ANO10: variants seen among roughly 807,000 people sequenced by gnomAD.
ANO10 encodes the protein anoctamin 10.
ANO10 carries 77 observed loss-of-function variants against 74.7 expected under a neutral mutation model. That is an observed-to-expected ratio of 1.03 (90% CI 0.86 to 1.25). ANO10 has a LOEUF of 1.25. ANO10 is among the 50% of genes most tolerant of loss of function. ANO10 has a pLI of 0.00. For missense variants in ANO10, 721 were observed against 778.1 expected, an observed-to-expected ratio of 0.93 and a Z score of 0.87; for synonymous variants, 279 against 284.9, an observed-to-expected ratio of 0.98 and a Z score of 0.21.
At chr3:43,542,992 T>C (rs2079021902) in intron 11 of ANO10, among the ~76,000 whole-genome samples, 1 of 152,208 alleles carries the variant, frequency 6.6e-6, no homozygotes, top group Non-Finnish European at 1.5e-5. Context: ...AGAACACTCA[T>C]GCAAGGGAGG....
intron 12 of ANO10, among the ~76,000 whole-genome samples, chr3:43,422,474 G>C (rs1413708468): frequency 6.6e-6 from 1 of 152,088 alleles, no homozygotes; most frequent in Non-Finnish European, 1.5e-5. Flanking sequence ...TTTATTATGA[G>C]GCAAGTTTTT....
intron 4 of ANO10, among the ~76,000 whole-genome samples, chr3:43,591,328 C>T (rs1423954000): frequency 6.6e-6 from 1 of 152,192 alleles, no homozygotes; most frequent in Non-Finnish European, 1.5e-5. Context: ...CGCCATTGTT[C>T]CTGTGCAGCT....
chr3:43,596,917 G>GA (rs905227119), intron 4 of ANO10, among the ~76,000 whole-genome samples: 6 of 152,074 alleles, frequency 3.9e-5, no homozygotes, highest in African/African-American at 7.2e-5. Context: ...AAATTTACAA[G>GA]AAAAAATCAA....
chr3:43,481,917 CT>C (rs202113435), intron 11 of ANO10, among the ~76,000 whole-genome samples: 42 of 136,008 alleles, frequency 3.1e-4, no homozygotes, highest in African/African-American at 1.0e-3. Flanking sequence ...TGTCTTTTTT[CT>C]TTTTTTTTCT....
intron 11 of ANO10, among the ~76,000 whole-genome samples, chr3:43,543,191 T>C (rs2079031760): frequency 6.6e-6 from 1 of 152,134 alleles, no homozygotes; most frequent in African/African-American, 2.4e-5. Flanking sequence ...GAAGAACACA[T>C]GTGTGACAAA....
At chr3:43,405,251 C>A (rs995434872) in intron 12 of ANO10, among the ~76,000 whole-genome samples, 1 of 152,046 alleles carries the variant, frequency 6.6e-6, no homozygotes. Flanking sequence ...CACCTGAGTC[C>A]CAAGCAATCC....
intron 1 of ANO10, among the ~76,000 whole-genome samples, chr3:43,668,256 C>G (rs140346050): frequency 6.1e-4 from 93 of 151,854 alleles, no homozygotes; most frequent in African/African-American, 2.2e-3. Context: ...CTATTCATGT[C>G]CTTAGCCCAC....
intron 1 of ANO10, among the ~76,000 whole-genome samples, chr3:43,651,621 C>A (rs1426130330): frequency 3.3e-5 from 5 of 152,114 alleles, no homozygotes; most frequent in African/African-American, 1.2e-4. Context: ...GAATTTTTCT[C>A]TTATTTAGCC....
At chr3:43,435,931 G>A (rs879452849) in intron 11 of ANO10, among the ~76,000 whole-genome samples, 6 of 152,314 alleles carry the variant, frequency 3.9e-5, no homozygotes, top group Middle Eastern at 3.4e-3. Context: ...TCAACAGCAG[G>A]GGACCTGCTT....
At chr3:43,383,615 A>T (rs545859720) in intron 12 of ANO10, among the ~76,000 whole-genome samples, 1 of 152,332 alleles carries the variant, frequency 6.6e-6, no homozygotes, top group East Asian at 1.9e-4. Flanking sequence ...TGCAGGGATG[A>T]TTTAACATTC....
At chr3:43,593,967 T>C (rs1353890509) in intron 4 of ANO10, among the ~76,000 whole-genome samples, 1 of 152,122 alleles carries the variant, frequency 6.6e-6, no homozygotes, top group Non-Finnish European at 1.5e-5. Context: ...AATCCTAGTC[T>C]CTGATAAAAC....
intron 11 of ANO10, among the ~76,000 whole-genome samples, chr3:43,504,086 T>G (rs1218708268): frequency 6.6e-6 from 1 of 152,002 alleles, no homozygotes; most frequent in African/African-American, 2.4e-5. Flanking sequence ...CTAGCCAACA[T>G]GGTGAAACCC....
chr3:43,405,804 A>G (rs1286267202), intron 12 of ANO10, among the ~76,000 whole-genome samples: 2 of 152,126 alleles, frequency 1.3e-5, no homozygotes, highest in Non-Finnish European at 2.9e-5. Flanking sequence ...TAAAATTTCA[A>G]CCTAAAATAT....
chr3:43,453,215 G>T, intron 11 of ANO10, among the ~76,000 whole-genome samples: 1 of 131,456 alleles, frequency 7.6e-6, no homozygotes, highest in African/African-American at 2.9e-5. Flanking sequence ...GTCTCGCTCT[G>T]TCTCCCAGGC....
At chr3:43,568,148 T>C (rs1318959413) in intron 7 of ANO10, among the ~76,000 whole-genome samples, 1 of 121,638 alleles carries the variant, frequency 8.2e-6, no homozygotes, top group African/African-American at 2.5e-5. Context: ...CCTAAATATA[T>C]ATGCACCCAA....
At chr3:43,636,765 C>T (rs2083615004) in intron 1 of ANO10, among the ~76,000 whole-genome samples, 1 of 152,162 alleles carries the variant, frequency 6.6e-6, no homozygotes, top group African/African-American at 2.4e-5. Context: ...TTGAAAGTAT[C>T]TAGCATTTAA....
intron 12 of ANO10, among the ~76,000 whole-genome samples, chr3:43,367,829 A>C (rs1051184972): frequency 3.9e-5 from 6 of 152,208 alleles, no homozygotes; most frequent in African/African-American, 1.4e-4. Flanking sequence ...GGCTTCAAAC[A>C]GATTTTTGAT....
chr3:43,447,642 G>A (rs2093267299), intron 11 of ANO10, among the ~76,000 whole-genome samples: 3 of 152,072 alleles, frequency 2.0e-5, no homozygotes, highest in African/African-American at 7.2e-5. Flanking sequence ...GGCTTAAATT[G>A]GATCTATATA....
chr3:43,585,824 A>C (rs772289699), intron 4 of ANO10, among the ~76,000 whole-genome samples: 7 of 152,228 alleles, frequency 4.6e-5, no homozygotes, highest in Non-Finnish European at 1.0e-4. Flanking sequence ...GACAGTATCA[A>C]ACAACTGCTT....
Sources: allele counts gnomAD v4.1 joint callset (sites outside exome capture counted in the v4.1 genomes callset), GRCh38; gene constraint gnomAD v4.1.1; transcripts MANE v1.5; gene names NCBI Gene and HGNC (gene_info 2026-07-23, HGNC 2026-07-21).